Variants in CIZ1 observed in about 807,000 individuals in gnomAD.
CIZ1 encodes cip1-interacting zinc finger protein.
A neutral mutation model predicts 118.6 loss-of-function variants in CIZ1; 58 were observed. The observed-to-expected ratio is 0.49, with a 90% CI of 0.40 to 0.61. The LOEUF (loss-of-function observed/expected upper bound fraction) is 0.61, where lower values mean the gene tolerates loss of function less well. CIZ1 is among the 20% of genes least tolerant of loss of function. The pLI is 0.00. For missense variants in CIZ1, 921 were observed against 1,115.9 expected (o/e 0.83, Z 2.49); for synonymous variants, 448 against 443.4 (o/e 1.01, Z -0.13).
intron 1 of CIZ1, among the ~76,000 whole-genome samples, chr9:128,200,657 C>CAA (rs71381745): frequency 8.2e-4 from 109 of 133,700 alleles, no homozygotes; most frequent in Admixed American, 1.7e-3. Context: ...GACTCTGTCT[C>CAA]AAAAAAAAAA....
intron 11 of CIZ1, among the ~76,000 whole-genome samples, chr9:128,172,938 T>C (rs1830322006): frequency 6.6e-6 from 1 of 152,176 alleles, no homozygotes; most frequent in Non-Finnish European, 1.5e-5. Context: ...TAGGGACATT[T>C]ACTGTCCTCA....
intron 12 of CIZ1, 104 bp from the exon 13 acceptor site, chr9:128,169,623 C>T (rs1441679099): frequency 1.3e-6 from 2 of 1,558,822 alleles, no homozygotes; most frequent in African/African-American, 1.4e-5. Flanking sequence ...GCAGGCCCAC[C>T]ATATCTGTAA....
In CIZ1 at chr9:128,166,458, C is replaced by T; in HGVS notation, c.2488-52G>A. The T allele has an allele frequency of 5.8e-6, 8 of 1,373,908 alleles. No individual in the cohort carries two copies. Among genetic ancestry groups the T allele is most frequent in the Non-Finnish European group, 7.9e-6 (8 of 1,014,886 alleles). The allele number at this position is 1,373,908 out of a possible 1,614,324, so 85.1% of individuals were successfully genotyped here. A position where few individuals can be genotyped will look rare whatever the true frequency, so the allele number is the denominator to read the frequency against. On this transcript the variant is annotated intron_variant, in intron 16 of 16. Transcript: ENST00000372938. This position sits in a 1 kb window ranked among gnomAD's most constrained non-coding sequence, Gnocchi z 4.4. ...CAGGGTCTCCTCCCTACATGGTATGCTCCTGGCCAGCAGCTACTTCCCCAG... is the reference window on the plus strand; with the variant it reads ...CAGGGTCTCCTCCCTACATGGTATGTTCCTGGCCAGCAGCTACTTCCCCAG...
intron 14 of CIZ1, chr9:128,167,437 G>A: frequency 2.2e-6 from 1 of 454,162 alleles, no homozygotes; most frequent in Non-Finnish European, 3.9e-6. Flanking sequence ...CGCCAGGTGT[G>A]CCCAAGACAT....
intron 7 of CIZ1, 28 bp downstream of exon 7, chr9:128,180,387 C>T (rs376838780): frequency 5.2e-5 from 81 of 1,560,296 alleles, no homozygotes; most frequent in Middle Eastern, 1.7e-4. Flanking sequence ...GGCACCCGGG[C>T]GCAGGTCAGG....
Position 128,169,068 on chromosome 9 carries a change from T to A in CIZ1, c.2279A>T (p.Glu760Val). ...CCCCAGCACCTGCTTGCAGAGTTCCTCCTCAACCTCGATCTCTTCTTCATC... is the reference window on the plus strand; with the variant it reads ...CCCCAGCACCTGCTTGCAGAGTTCCACCTCAACCTCGATCTCTTCTTCATC... ...DEDEEEIEVE[E>V]ELCKQVRSRD... is the part of the protein sequence containing the mutation. The change falls in exon 14 of 17, where the codon GAG becomes GTG. Residue 760 changes from glutamate to valine, a missense_variant. Glu to Val is a moderately radical substitution (Grantham distance 121). Transcript: ENST00000372938. 6.2e-7 allele frequency: 1 copy of A among 1,614,092 alleles called. No homozygotes were observed. The highest frequency in any genetic ancestry group is 1.1e-5 in the South Asian group (1 of 91,082).
In CIZ1 at chr9:128,180,542, C is replaced by G. The variant is rs758600947; in HGVS notation, c.683-19G>C. 6.3e-7 allele frequency: 1 copy of G among 1,594,506 alleles called. No individual in the cohort carries two copies. The highest frequency in any genetic ancestry group is 1.1e-5 in the South Asian group (1 of 90,652). On this transcript the variant is annotated intron_variant, in intron 6 of 16. Transcript: ENST00000372938. ...TCTTGGTCTGGAATGGAGGCATGAG[C>G]GAGGGAACTCATGTTGGGAAGAGCA...
In CIZ1 at chr9:128,174,721, G is replaced by A. The variant is rs45460601; in HGVS notation, c.1943+1630C>T. On this transcript the variant is annotated intron_variant, in intron 11 of 16. Coordinates refer to ENST00000372938, the MANE Select transcript of CIZ1 (RefSeq NM_001131016.2). The stretch of plus-strand genomic sequence containing the variant: ...GTCACCCAGGCTGAAGTGCAGTGGC[G>A]CGATCTCGGCTCACTGCAACCTCCG... 2.2e-3 allele frequency among the ~76,000 whole-genome samples: 331 copies of A among 152,060 alleles called. 2 individuals are homozygous for A. Among genetic ancestry groups the A allele is most frequent in the South Asian group, 6.2e-3 (30 of 4,808 alleles).
At chr9:128,192,614 C>T (rs184646837), upstream of CIZ1, among the ~76,000 whole-genome samples, 290 of 152,290 alleles carry the variant, frequency 1.9e-3, 1 homozygote, top group Middle Eastern at 0.01. Context: ...ACGATCTGGG[C>T]TCACCGCAAC....
Position 128,186,154 on chromosome 9 carries a change from C to G in CIZ1, c.359-378G>C, listed in dbSNP as rs181414542. Among the ~76,000 whole-genome samples, 391 of 152,180 alleles carry G rather than the reference C, an allele frequency of 2.6e-3. 2 individuals carry two copies. The highest frequency in any genetic ancestry group is 9.0e-3 in the African/African-American group (372 of 41,506). ...GGATAACAAGACACCCACCCCCACC[C>G]CTACCAGCTACCCTTTATCAGCAGC... On this transcript the variant is annotated intron_variant, in intron 4 of 16. Transcript: ENST00000372938.
chr9:128,182,614 C>G (rs1054141753), intron 5 of CIZ1, among the ~76,000 whole-genome samples: 2 of 152,146 alleles, frequency 1.3e-5, no homozygotes, highest in Admixed American at 1.3e-4. Context: ...CCCGGCCATG[C>G]CCCCGCAACC....
chr9:128,180,807 G>A lies in CIZ1; in HGVS notation c.596C>T (p.Ser199Phe). ...GTCTTCCACAGGCATTGTCTGAGAA[G>A]AAGAATCCTGCTTCCTTTCAGAAAC... is the stretch of plus-strand genomic sequence containing the variant. ...SSTTPNRKDS[S>F]SQTMPVEDKS... The change falls in exon 6 of 17, where the codon TCT becomes TTT. Residue 199 changes from serine to phenylalanine, a missense_variant. Coordinates refer to ENST00000372938, the MANE Select transcript of CIZ1 (RefSeq NM_001131016.2). The A allele has an allele frequency of 3.1e-6, 5 of 1,609,420 alleles. No homozygotes were observed. The highest frequency in any genetic ancestry group is 4.2e-6 in the Non-Finnish European group (5 of 1,178,110).
upstream of CIZ1, among the ~76,000 whole-genome samples, chr9:128,193,197 C>A (rs1833280765): frequency 6.6e-6 from 1 of 152,146 alleles, no homozygotes; most frequent in Non-Finnish European, 1.5e-5. Context: ...AGGGTGGCGT[C>A]CAGGGCCCCG....
At chr9:128,167,073 G>A in intron 15 of CIZ1, 22 bp downstream of exon 15, 1 of 1,588,438 alleles carries the variant, frequency 6.3e-7, no homozygotes, top group South Asian at 1.1e-5. Context: ...TCCTGCAGGT[G>A]GGCTCAGAGC....
intron 1 of CIZ1, among the ~76,000 whole-genome samples, chr9:128,198,539 G>A (rs1833431950): frequency 6.6e-6 from 1 of 152,114 alleles, no homozygotes; most frequent in African/African-American, 2.4e-5. Context: ...CTGTCAAAAA[G>A]GGCTCGTGTT....
chr9:128,167,428 G>A (rs115642086), intron 14 of CIZ1: 136 of 475,212 alleles, frequency 2.9e-4, no homozygotes, highest in African/African-American at 2.3e-3. Context: ...CATAATCCAC[G>A]CCAGGTGTGC....
upstream of CIZ1, among the ~76,000 whole-genome samples, chr9:128,194,831 A>C (rs973996250): frequency 5.3e-5 from 8 of 151,484 alleles, no homozygotes; most frequent in African/African-American, 1.2e-4. Flanking sequence ...CAAAACAAAA[A>C]AAAAGAGACA....
In CIZ1 at chr9:128,203,945, A is replaced by C; in HGVS notation, c.-6+241T>G. ...GGCAAAGAGCTGCCCCCCGCCCCCA[A>C]CATGGGCATGGAGAGAGCCCGCATT... is the stretch of plus-strand genomic sequence containing the variant. On this transcript the variant is annotated intron_variant, in intron 1 of 17. Transcript: ENST00000372948. This position sits in a 1 kb window ranked among gnomAD's most constrained non-coding sequence, Gnocchi z 5.3. 8 of 177,858 alleles carry C rather than the reference A, an allele frequency of 4.5e-5. No individual in the cohort carries two copies. The highest frequency in any genetic ancestry group is 7.0e-5 in the Non-Finnish European group (6 of 85,640). The allele number at this position is 177,858 out of a possible 1,614,324, so 11.0% of individuals were successfully genotyped here.
At chr9:128,191,824 G>A, upstream of CIZ1, 1 of 1,458,572 alleles carries the variant, frequency 6.9e-7, no homozygotes. This position sits in a 1 kb window ranked among gnomAD's most constrained non-coding sequence, Gnocchi z 5.5. Flanking sequence ...GCGGGGCATC[G>A]AGGGGGACTT....
Sources: gnomAD v4.1 joint callset for allele counts (sites outside exome capture counted in the v4.1 genomes callset) on GRCh38, gnomAD v4.1.1 for gene constraint, Gnocchi (gnomAD v3.1) non-coding constraint, MANE v1.5 for transcripts, NCBI Gene and HGNC (gene_info 2026-07-23, HGNC 2026-07-21) for gene names.